The following DCTN4 variants were observed in gnomAD, a reference collection of about 807,000 sequenced individuals.
DCTN4 encodes dynactin subunit 4, also known as dynactin 4 (p62).
Under a neutral mutation model 62.7 loss-of-function variants are expected in DCTN4, and 23 were observed. That is an observed-to-expected ratio of 0.37 (90% CI 0.26 to 0.52). The LOEUF (loss-of-function observed/expected upper bound fraction) is 0.52. Ranked by LOEUF, DCTN4 falls within the 20% of genes least tolerant of loss-of-function variation. The pLI, the probability that DCTN4 is intolerant of heterozygous loss-of-function variation, is 0.92. For synonymous variants in DCTN4, 199 were observed against 202.1 expected (o/e 0.98, Z 0.13); for missense variants, 514 against 580.4 (o/e 0.89, Z 1.18).
intron 2 of DCTN4, among the ~76,000 whole-genome samples, chr5:150,755,729 T>C (rs886652654): frequency 6.6e-6 from 1 of 152,082 alleles, no homozygotes; most frequent in Admixed American, 6.5e-5. Flanking sequence ...ACTATAAATA[T>C]AATGTGATAT....
At chr5:150,736,068 A>G (rs919323903) in intron 4 of DCTN4, among the ~76,000 whole-genome samples, 9 of 152,008 alleles carry the variant, frequency 5.9e-5, no homozygotes, top group African/African-American at 1.9e-4. Flanking sequence ...AAAAAGAATA[A>G]TAACAATAAT....
rs549918533 is a variant in DCTN4, at chr5:150,749,388, CA to C, written c.385+4090del. Among the ~76,000 whole-genome samples, 658 of 152,286 alleles carry C rather than the reference CA, an allele frequency of 4.3e-3. 4 individuals are homozygous for C. Among genetic ancestry groups the C allele is most frequent in the African/African-American group, 0.015 (630 of 41,540 alleles). On this transcript the variant is annotated intron_variant, in intron 3 of 12. Transcript: ENST00000447998. ...AATGAGAAAATGCAAATTAAAACCA[CA>C]GTGAAGTACTGCTGTACATGTGCTA...
intron 10 of DCTN4, 80 bp downstream of exon 10, chr5:150,719,636 C>T (rs754209519): frequency 1.9e-6 from 2 of 1,027,348 alleles, no homozygotes; most frequent in South Asian, 1.4e-5. Flanking sequence ...GTGCCAAATA[C>T]ACACACAGCC....
intron 8 of DCTN4, among the ~76,000 whole-genome samples, chr5:150,727,453 G>C (rs1396773666): frequency 4.0e-5 from 6 of 151,630 alleles, no homozygotes; most frequent in African/African-American, 1.2e-4. Context: ...TTAATTTTAG[G>C]CTTCTTAGGA....
rs1330234626 is a variant in DCTN4 at position 150,722,980 on chromosome 5, T to C, written c.835A>G (p.Lys279Glu). Residue 279 changes from lysine to glutamate, a missense_variant and splice_region_variant, in exon 9 of 13, where the codon AAA (lysine) becomes GAA (glutamate). Lys to Glu is a moderately conservative substitution (Grantham distance 56). Coordinates refer to ENST00000447998, the MANE Select transcript of DCTN4 (RefSeq NM_016221.4). ...GGCTTGCTCAAATTATGTTCACATT[T>C]CTAAAAAGAAAACAAATATAACACG... ...LLIKRSLRCR[K>E]CEHNLSKPEF... is the part of the protein sequence containing the mutation. 1 of 1,606,806 alleles carries C rather than the reference T, an allele frequency of 6.2e-7. No individual in the cohort carries two copies. The highest frequency in any genetic ancestry group is 8.5e-7 in the Non-Finnish European group (1 of 1,174,564).
chr5:150,734,448 G>T (rs757602116), intron 4 of DCTN4: 4 of 152,176 alleles, frequency 2.6e-5, no homozygotes, highest in Non-Finnish European at 5.9e-5. Context: ...AAAAATAGAA[G>T]AAGCAACAGC....
intron 9 of DCTN4, among the ~76,000 whole-genome samples, chr5:150,720,878 G>C (rs1021203784): frequency 6.6e-6 from 1 of 152,168 alleles, no homozygotes; most frequent in Non-Finnish European, 1.5e-5. Context: ...CTAAGTACAG[G>C]CTGCCATTCA....
intron 3 of DCTN4, among the ~76,000 whole-genome samples, chr5:150,749,124 A>G (rs1303695132): frequency 6.6e-6 from 1 of 152,220 alleles, no homozygotes; most frequent in Non-Finnish European, 1.5e-5. Flanking sequence ...CACTGAAATT[A>G]GAAACTTGAG....
chr5:150,731,796 T>C (rs1169037196), intron 5 of DCTN4: 2 of 1,217,302 alleles, frequency 1.6e-6, no homozygotes, highest in Non-Finnish European at 2.4e-6. Context: ...ATGTGGAGTG[T>C]CTAAGATACA....
At chr5:150,742,201 A>G in intron 3 of DCTN4, 44 bp from the exon 4 acceptor site, 1 of 1,590,392 alleles carries the variant, frequency 6.3e-7, no homozygotes, top group Non-Finnish European at 8.6e-7. Flanking sequence ...ATAATGTGAT[A>G]ATTTTATTTT....
At chr5:150,721,816 T>C (rs950566240) in intron 9 of DCTN4, among the ~76,000 whole-genome samples, 2 of 152,228 alleles carry the variant, frequency 1.3e-5, no homozygotes, top group Non-Finnish European at 2.9e-5. Flanking sequence ...TTGCTAATTT[T>C]GTCTTAAAAA....
At chr5:150,712,686 G>A (rs1039705298) in intron 12 of DCTN4, among the ~76,000 whole-genome samples, 1 of 152,150 alleles carries the variant, frequency 6.6e-6, no homozygotes, top group Non-Finnish European at 1.5e-5. Flanking sequence ...ATGTAATTAG[G>A]AATTTTAGCA....
At chr5:150,736,236 T>C (rs1367133181) in intron 4 of DCTN4, 1 of 152,026 alleles carries the variant, frequency 6.6e-6, no homozygotes, top group Admixed American at 6.6e-5. Flanking sequence ...GATCTAGACA[T>C]CCAAATACAA....
rs1483991679 is a variant in DCTN4 at position 150,709,119 on chromosome 5, T to C, written c.*2030A>G. The C allele has an allele frequency of 6.5e-6, 1 of 152,828 alleles. No homozygotes were observed. Among genetic ancestry groups the C allele is most frequent in the African/African-American group, 2.4e-5 (1 of 41,460 alleles). The allele number at this position is 152,828 out of a possible 1,614,324, so 9.5% of individuals were successfully genotyped here. A position where few individuals can be genotyped will look rare whatever the true frequency, so the allele number is the denominator to read the frequency against. On this transcript the variant is annotated 3_prime_UTR_variant, in exon 13 of 13. Transcript: ENST00000447998. ...TAATTCACCAGCTGCAGGTATTGAA[T>C]CATTTCTACGAACACACAGAATACT... is the stretch of plus-strand genomic sequence containing the variant.
At chr5:150,715,723 G>A (rs1272504072) in intron 11 of DCTN4, 61 bp from the exon 12 acceptor site, 1 of 1,331,432 alleles carries the variant, frequency 7.5e-7, no homozygotes, top group East Asian at 2.3e-5. Context: ...ATATAGCAAA[G>A]TACGACATTG....
intron 2 of DCTN4, chr5:150,755,543 C>T (rs1440560296): frequency 2.2e-6 from 1 of 456,278 alleles, no homozygotes; most frequent in Non-Finnish European, 4.4e-6. Context: ...CTGTGGTTCT[C>T]CTCCGCAAAA....
At position 150,719,873 on chromosome 5, in the gene DCTN4, G is replaced by A; in HGVS notation, c.909-103C>T. On this transcript the variant is annotated intron_variant, in intron 9 of 12. Transcript: ENST00000447998. ...TACATAAAGGATTTCATGTTAATTAGAATGTATCAGAAAAAAAATAATTTT... is the reference window on the plus strand; with the variant it reads ...TACATAAAGGATTTCATGTTAATTAAAATGTATCAGAAAAAAAATAATTTT... The A allele has an allele frequency of 4.4e-6, 3 of 683,480 alleles. No individual in the cohort carries two copies. In the South Asian group the frequency reaches 6.1e-5, roughly 14 times the overall value. The allele number at this position is 683,480 out of a possible 1,614,324, so 42.3% of individuals were successfully genotyped here.
At chr5:150,733,578 T>G in intron 4 of DCTN4, 103 bp from the exon 5 acceptor site, 1 of 699,140 alleles carries the variant, frequency 1.4e-6, no homozygotes, top group South Asian at 2.6e-5. Context: ...GAAGACAAAT[T>G]ATTAAGATGG....
At chr5:150,717,215 A>C (rs1421953403) in intron 11 of DCTN4, among the ~76,000 whole-genome samples, 3 of 152,110 alleles carry the variant, frequency 2.0e-5, no homozygotes, top group Non-Finnish European at 4.4e-5. Context: ...CATCCATTCA[A>C]CTCACACTGA....
Sources: gnomAD v4.1 joint callset for allele counts (sites outside exome capture counted in the v4.1 genomes callset) on GRCh38, gnomAD v4.1.1 for gene constraint, MANE v1.5 for transcripts, NCBI Gene and HGNC (gene_info 2026-07-23, HGNC 2026-07-21) for gene names.